The following DDX60 variants were observed in gnomAD, a reference collection of about 807,000 sequenced individuals.
The protein encoded by DDX60 is probable ATP-dependent RNA helicase DDX60.
A neutral mutation model predicts 212.8 loss-of-function variants in DDX60; 165 were observed. The ratio of observed to expected loss-of-function variants is 0.78; its 90% CI spans 0.68 to 0.88. DDX60 has a LOEUF of 0.88. DDX60 is among the 40% of genes least tolerant of loss of function. DDX60 has a pLI of 0.00. For synonymous variants in DDX60, 703 were observed against 685.3 expected, an observed-to-expected ratio of 1.03 and a Z score of -0.40; for missense variants, 1,905 against 2,003.9, an observed-to-expected ratio of 0.95 and a Z score of 0.94.
rs373207459 is a variant in DDX60 at position 168,283,863 on chromosome 4, A to G, written c.1562-257T>C. Among the ~76,000 whole-genome samples the G allele has an allele frequency of 6.6e-5, 10 of 152,236 alleles. No homozygotes were observed. The South Asian group carries it at 1.7e-3, about 25-fold the overall frequency. Reference sequence around the variant, plus strand: ...TGCAACAAAAAAAATGACGGATTCCATTCATTACCTATGTCCTGTGCCCTG... The same window carrying G: ...TGCAACAAAAAAAATGACGGATTCCGTTCATTACCTATGTCCTGTGCCCTG... On this transcript the variant is annotated intron_variant, in intron 12 of 37. Transcript: ENST00000393743.
At chr4:168,263,378 A>G (rs1257927590) in intron 22 of DDX60, 1 of 152,202 alleles carries the variant, frequency 6.6e-6, no homozygotes, top group Non-Finnish European at 1.5e-5. Context: ...GTGGAAATAA[A>G]AAATTCCTGT....
intron 22 of DDX60, among the ~76,000 whole-genome samples, chr4:168,265,997 C>A (rs1031134717): frequency 1.3e-5 from 2 of 152,168 alleles, no homozygotes; most frequent in Non-Finnish European, 2.9e-5. Flanking sequence ...AGAATTTTGT[C>A]CATATTTAGG....
chr4:168,301,424 G>A (rs532585953), intron 6 of DDX60, among the ~76,000 whole-genome samples: 1 of 152,136 alleles, frequency 6.6e-6, no homozygotes, highest in Non-Finnish European at 1.5e-5. Flanking sequence ...ATTTCAGAAA[G>A]TTAGAAAGTA....
chr4:168,312,619 G>C (rs561810041), intron 1 of DDX60, among the ~76,000 whole-genome samples: 1 of 151,766 alleles, frequency 6.6e-6, no homozygotes, highest in Non-Finnish European at 1.5e-5. Context: ...TGAGACACTT[G>C]CCATTCAATA....
rs1735316797 is a variant in DDX60 at position 168,275,969 on chromosome 4, A to G, written c.2145+46T>C. 4 of 1,510,418 alleles carry G rather than the reference A, an allele frequency of 2.6e-6. No homozygotes were observed. In the African/African-American group the frequency reaches 4.2e-5, roughly 16 times the overall value. 93.6% of individuals were successfully genotyped at this position (1,510,418 alleles called of 1,614,324 possible). A position where few individuals can be genotyped will look rare whatever the true frequency, so the allele number is the denominator to read the frequency against. On this transcript the variant is annotated intron_variant, in intron 15 of 37. Coordinates refer to ENST00000393743, the MANE Select transcript of DDX60 (RefSeq NM_017631.6). ...TATCTTTGCAAAACACTTTATGTAT[A>G]CCTAATAATTACCCTGTTGAAATTG...
intron 6 of DDX60, among the ~76,000 whole-genome samples, chr4:168,295,045 T>G (rs968528721): frequency 2.0e-5 from 3 of 152,164 alleles, no homozygotes; most frequent in African/African-American, 7.2e-5. Flanking sequence ...ACCTCACATC[T>G]GTCAGAAGGG....
intron 29 of DDX60, 117 bp downstream of exon 29, chr4:168,248,071 T>C: frequency 1.7e-6 from 1 of 584,294 alleles, no homozygotes. Context: ...CAAGGATGAA[T>C]GTCCAGTTAT....
chr4:168,263,345 A>G (rs1159742257), intron 22 of DDX60, among the ~76,000 whole-genome samples: 11 of 152,136 alleles, frequency 7.2e-5, no homozygotes. Context: ...TATGCCATTC[A>G]TTTTTTCCAC....
chr4:168,241,565 ATTTT>A (rs1320901516), intron 30 of DDX60, among the ~76,000 whole-genome samples: 18 of 152,316 alleles, frequency 1.2e-4, no homozygotes, highest in African/African-American at 4.3e-4. Context: ...GACGGGCAGC[ATTTT>A]GCCTCTGCCT....
chr4:168,311,174 G>C, intron 2 of DDX60, 82 bp downstream of exon 2: 1 of 1,513,386 alleles, frequency 6.6e-7, no homozygotes, highest in East Asian at 2.3e-5. Flanking sequence ...CAGTAATGTG[G>C]TTATTTTAAT....
chr4:168,324,288 G>A, the DDX60 span, among the ~76,000 whole-genome samples: 1 of 152,204 alleles, frequency 6.6e-6, no homozygotes, highest in African/African-American at 2.4e-5. Flanking sequence ...CCAGTAAAAT[G>A]CCAACACAAT....
At chr4:168,241,579 T>C (rs905014866) in intron 30 of DDX60, among the ~76,000 whole-genome samples, 2 of 152,116 alleles carry the variant, frequency 1.3e-5, no homozygotes, top group Admixed American at 6.6e-5. Context: ...TGCCTCTGCC[T>C]GAGAGATTTA....
chr4:168,302,459 TATGTAATTATTTTCCAACTATAGAA>T, intron 5 of DDX60, 43 bp from the exon 6 acceptor site: 2 of 856,244 alleles, frequency 2.3e-6, no homozygotes, highest in Non-Finnish European at 1.7e-6. Flanking sequence ...ATAAATAAAA[TATGTAATTATTTTCCAACTATAGAA>T]AATTACATAT....
intron 6 of DDX60, among the ~76,000 whole-genome samples, chr4:168,295,273 TA>T (rs1199474052): frequency 6.6e-6 from 1 of 152,218 alleles, no homozygotes; most frequent in Non-Finnish European, 1.5e-5. Context: ...TAAAGCAAAC[TA>T]AATATGGCTG....
At chr4:168,218,519 T>C (rs3805395) in intron 37 of DDX60, among the ~76,000 whole-genome samples, 3,359 of 152,292 alleles carry the variant, frequency 0.022, 210 homozygotes, top group East Asian at 0.15. Context: ...TTACAGCCTT[T>C]GCACCTACAT....
At chr4:168,273,833 TA>T (rs147891941) in intron 17 of DDX60, 100 bp downstream of exon 17, 1 of 1,407,332 alleles carries the variant, frequency 7.1e-7, no homozygotes, top group Non-Finnish European at 9.6e-7. Context: ...AAATGCAGGT[TA>T]AAAAATAAAG....
At chr4:168,272,225 G>T (rs974525606) in intron 18 of DDX60, 87 bp from the exon 19 acceptor site, 11 of 1,074,252 alleles carry the variant, frequency 1.0e-5, no homozygotes, top group African/African-American at 9.4e-5. Context: ...ATAGACTTAT[G>T]AGTCCTGAAT....
chr4:168,324,207 C>A, the DDX60 span, among the ~76,000 whole-genome samples: 2 of 152,152 alleles, frequency 1.3e-5, no homozygotes, highest in African/African-American at 4.8e-5. Context: ...GCATAATGGG[C>A]AACTGGATAG....
Position 168,288,160 on chromosome 4 carries a change from T to C in DDX60, c.1183+14A>G. 7.0e-7 allele frequency: 1 copy of C among 1,431,544 alleles called. No homozygotes were observed. The highest frequency in any genetic ancestry group is 9.5e-7 in the Non-Finnish European group (1 of 1,055,736). 88.7% of individuals were successfully genotyped at this position (1,431,544 alleles called of 1,614,324 possible). On this transcript the variant is annotated intron_variant, in intron 9 of 37. Coordinates refer to ENST00000393743, the MANE Select transcript of DDX60 (RefSeq NM_017631.6). ...TGTGGATGGAAGTATGATTATAATA[T>C]ACTGAGATGGTACCTTTTACATTTT...
Sources: allele counts gnomAD v4.1 joint callset (sites outside exome capture counted in the v4.1 genomes callset), GRCh38; gene constraint gnomAD v4.1.1; transcripts MANE v1.5; gene names NCBI Gene and HGNC (gene_info 2026-07-23, HGNC 2026-07-21).